Variants in PCDHA12 observed in about 807,000 individuals in gnomAD.
The protein encoded by PCDHA12 is protocadherin alpha 12.
PCDHA12 carries 44 observed loss-of-function variants against 60.0 expected under a neutral mutation model. That is an observed-to-expected ratio of 0.73 (90% CI 0.58 to 0.94). The LOEUF is 0.94. PCDHA12 is among the 40% of genes least tolerant of loss of function. The probability of loss-of-function intolerance (pLI) is 0.00; values close to 1 mark genes in which losing one functional copy is unlikely to be tolerated. For missense variants in PCDHA12, 1,276 were observed against 1,239.7 expected, an observed-to-expected ratio of 1.03 and a Z score of -0.44; for synonymous variants, 569 against 553.0, an observed-to-expected ratio of 1.03 and a Z score of -0.40.
At chr5:140,969,382 TC>T in intron 1 of PCDHA12, 1 of 1,597,954 alleles carries the variant, frequency 6.3e-7, no homozygotes, top group Non-Finnish European at 8.5e-7. Flanking sequence ...TTGTTACACA[TC>T]CCCCAATATC....
At chr5:140,931,008 A>G (rs1554208204) in intron 1 of PCDHA12, among the ~76,000 whole-genome samples, 2 of 152,224 alleles carry the variant, frequency 1.3e-5, no homozygotes, top group African/African-American at 2.4e-5. Flanking sequence ...ATAACATAAC[A>G]GAGGAATTTT....
Position 140,969,025 on chromosome 5 carries a change from T to G in PCDHA12, c.2368-9924T>G, listed in dbSNP as rs1554231368. On this transcript the variant is annotated intron_variant, in intron 1 of 3. Transcript: ENST00000398631. ...TCTGTGGAGTAAGGGAAAGGTCCCC[T>G]GCAGAACTGTACAAACAAGCCAACA... The G allele has an allele frequency of 1.9e-6, 3 of 1,614,178 alleles. No individual in the cohort carries two copies. The East Asian group carries it at 6.7e-5, about 36-fold the overall frequency.
chr5:140,927,137 A>G, intron 1 of PCDHA12: 2 of 1,614,052 alleles, frequency 1.2e-6, no homozygotes, highest in South Asian at 2.2e-5. Context: ...GAGCCGGCGG[A>G]CCGCGAACAG....
At chr5:140,919,387 G>A (rs180927321) in intron 1 of PCDHA12, among the ~76,000 whole-genome samples, 420 of 152,292 alleles carry the variant, frequency 2.8e-3, no homozygotes, top group Middle Eastern at 6.8e-3. Context: ...ATAGTTGGAT[G>A]TTGTTTTCCT....
chr5:140,882,164 C>T (rs2058984922), intron 1 of PCDHA12: 2 of 1,509,832 alleles, frequency 1.3e-6, no homozygotes. Flanking sequence ...ATACCTCTTG[C>T]GAATCCTTCC....
chr5:140,969,147 A>G (rs781909774), intron 1 of PCDHA12: 1 of 1,614,172 alleles, frequency 6.2e-7, no homozygotes, highest in Non-Finnish European at 8.5e-7. Flanking sequence ...TACTGCTACA[A>G]GGCCTGTCTG....
rs1281739668 is a variant in PCDHA12, at chr5:140,966,815, C to T, written c.2368-12134C>T. On this transcript the variant is annotated intron_variant, in intron 1 of 3. Transcript: ENST00000398631. The stretch of plus-strand genomic sequence containing the variant: ...TGCGGCGACAGAGCATCCACGGCTC[C>T]GGCGGCCCATGCCCTGGCTGCTGCT... 1.9e-6 allele frequency: 3 copies of T among 1,552,884 alleles called. No individual in the cohort carries two copies. The highest frequency in any genetic ancestry group is 1.7e-6 in the Non-Finnish European group (2 of 1,153,182).
intron 3 of PCDHA12, among the ~76,000 whole-genome samples, chr5:140,991,573 G>C (rs1406319253): frequency 2.0e-5 from 3 of 152,036 alleles, no homozygotes; most frequent in Non-Finnish European, 4.4e-5. Context: ...CCAATAACAG[G>C]CTCCTTATTT....
chr5:140,876,212 A>G lies in PCDHA12; in HGVS notation c.740A>G (p.Tyr247Cys), dbSNP rs782252921. Residue 247 changes from tyrosine to cysteine, a missense_variant, in exon 1 of 4, where the codon TAT becomes TGT. By Grantham distance (194) the Tyr-to-Cys change is radical. Coordinates refer to ENST00000398631, the MANE Select transcript of PCDHA12 (RefSeq NM_018903.4). Reference sequence around the variant, plus strand: ...GGTCCGGCGTTTGATAAGCCCAGCTATAAAGTAGTGTTGTCTGAAAATGTC... The same window carrying G: ...GGTCCGGCGTTTGATAAGCCCAGCTGTAAAGTAGTGTTGTCTGAAAATGTC... ...DNGPAFDKPSYKVVLSENVQN... is the reference protein window; with the variant it reads ...DNGPAFDKPSCKVVLSENVQN... 5.6e-6 allele frequency: 9 copies of G among 1,613,994 alleles called. No individual in the cohort carries two copies. In the East Asian group the frequency reaches 2.0e-4, roughly 36 times the overall value.
rs2055816565 is a variant in PCDHA12 at position 140,875,793 on chromosome 5, G to A, written c.321G>A (p.Glu107=). The A allele has an allele frequency of 6.2e-7, 1 of 1,614,100 alleles. No individual in the cohort carries two copies. Among genetic ancestry groups the A allele is most frequent in the Non-Finnish European group, 8.5e-7 (1 of 1,180,058 alleles). ...GRSAECSIHL[E]VIVDRPLQVF... The stretch of plus-strand genomic sequence containing the variant: ...GCGCGGAGTGCAGTATCCACCTGGA[G>A]GTGATCGTGGACAGGCCGCTGCAGG... Residue 107 remains glutamate (E), a synonymous_variant, in exon 1 of 4, where the codon GAG becomes GAA. Coordinates refer to ENST00000398631, the MANE Select transcript of PCDHA12 (RefSeq NM_018903.4).
chr5:140,877,874 C>A, intron 1 of PCDHA12, 35 bp downstream of exon 1: 1 of 1,477,456 alleles, frequency 6.8e-7, no homozygotes, highest in Non-Finnish European at 9.0e-7. Flanking sequence ...ATATTTGTTT[C>A]CTTGAAGAAC....
At chr5:140,972,624 G>A (rs2096543924) in intron 1 of PCDHA12, among the ~76,000 whole-genome samples, 1 of 150,616 alleles carries the variant, frequency 6.6e-6, no homozygotes, top group Non-Finnish European at 1.5e-5. Flanking sequence ...GAATGTTGTT[G>A]GCACTCCCTT....
rs78042832 is a variant in PCDHA12, at chr5:140,978,370, A to G, written c.2368-579A>G. Among the ~76,000 whole-genome samples, 198 of 152,318 alleles carry G rather than the reference A, an allele frequency of 1.3e-3. 1 individual carries two copies. The East Asian group carries it at 0.027, about 21-fold the overall frequency. On this transcript the variant is annotated intron_variant, in intron 1 of 3. Transcript: ENST00000398631. ...TAGCAAAACAAGGTCAAACTCTGCA[A>G]TAGTTTGTTTTCCTCTCCCTAGTAT...
chr5:140,972,386 A>G (rs2096534472), intron 1 of PCDHA12, among the ~76,000 whole-genome samples: 1 of 148,802 alleles, frequency 6.7e-6, no homozygotes, highest in African/African-American at 2.5e-5. Flanking sequence ...GTATTTGTTT[A>G]TTTGCTTCAC....
At chr5:140,932,338 CACTT>C (rs1448800324) in intron 1 of PCDHA12, among the ~76,000 whole-genome samples, 19 of 151,866 alleles carry the variant, frequency 1.3e-4, no homozygotes, top group Non-Finnish European at 2.2e-4. Flanking sequence ...ATGCATGAAA[CACTT>C]ACCATACAAC....
chr5:140,916,229 A>G (rs2077489205), intron 1 of PCDHA12, among the ~76,000 whole-genome samples: 2 of 152,190 alleles, frequency 1.3e-5, no homozygotes, highest in African/African-American at 4.8e-5. Flanking sequence ...TATGCTTTCC[A>G]GGAGCCAAAG....
chr5:140,961,255 C>G (rs1446798989), intron 1 of PCDHA12, among the ~76,000 whole-genome samples: 1 of 152,164 alleles, frequency 6.6e-6, no homozygotes, highest in African/African-American at 2.4e-5. Context: ...TCCGAAGCTC[C>G]AGGAAGCTTC....
At chr5:140,961,313 G>A (rs2095603813) in intron 1 of PCDHA12, among the ~76,000 whole-genome samples, 1 of 152,118 alleles carries the variant, frequency 6.6e-6, no homozygotes, top group Admixed American at 6.5e-5. Flanking sequence ...TGATTTACCA[G>A]GCTCTGTTTC....
At chr5:140,915,531 T>C (rs1258680816) in intron 1 of PCDHA12, among the ~76,000 whole-genome samples, 1 of 152,150 alleles carries the variant, frequency 6.6e-6, no homozygotes, top group Non-Finnish European at 1.5e-5. Context: ...AGGTACCATC[T>C]TGGAGGTCTT....
Sources: gnomAD v4.1 joint callset for allele counts (sites outside exome capture counted in the v4.1 genomes callset) on GRCh38, gnomAD v4.1.1 for gene constraint, MANE v1.5 for transcripts, NCBI Gene and HGNC (gene_info 2026-07-23, HGNC 2026-07-21) for gene names.